The following NXPE4 variants were observed in gnomAD, a reference collection of about 807,000 sequenced individuals.
NXPE4 encodes the protein neurexophilin and PC-esterase domain family member 4.
A neutral mutation model predicts 33.3 loss-of-function variants in NXPE4; 42 were observed. That is an observed-to-expected ratio of 1.26 (90% CI 0.98 to 1.63). NXPE4 has a LOEUF of 1.63. Ranked by LOEUF, NXPE4 falls within the 40% of genes most tolerant of loss-of-function variation. The probability of loss-of-function intolerance (pLI) is 0.00; values close to 1 mark genes in which losing one functional copy is unlikely to be tolerated. For missense variants in NXPE4, 709 were observed against 647.6 expected, an observed-to-expected ratio of 1.09 and a Z score of -1.03; for synonymous variants, 253 against 234.9, an observed-to-expected ratio of 1.08 and a Z score of -0.71.
At chr11:114,676,083 A>G in the NXPE4 span, among the ~76,000 whole-genome samples, 2 of 151,924 alleles carry the variant, frequency 1.3e-5, no homozygotes, top group African/African-American at 4.8e-5. Context: ...ATCTCACAAC[A>G]TATAAAAAAA....
the NXPE4 span, among the ~76,000 whole-genome samples, chr11:114,676,128 G>A: frequency 1.3e-5 from 2 of 151,790 alleles, no homozygotes; most frequent in Non-Finnish European, 2.9e-5. Flanking sequence ...CTTAAACATA[G>A]GACCTGAAAC....
the NXPE4 span, among the ~76,000 whole-genome samples, chr11:114,632,946 ATGATATTT>A: frequency 1.0e-5 from 1 of 99,676 alleles, no homozygotes; most frequent in African/African-American, 4.2e-5. Flanking sequence ...TATATATTAT[ATGATATTT>A]TATATAATTA....
chr11:114,592,324 A>G (rs1949475304), intron 2 of NXPE4, among the ~76,000 whole-genome samples: 2 of 152,158 alleles, frequency 1.3e-5, no homozygotes, highest in African/African-American at 4.8e-5. Context: ...AACTCAGTAA[A>G]GTTGCAGGAT....
the NXPE4 span, among the ~76,000 whole-genome samples, chr11:114,624,354 T>C: frequency 6.6e-6 from 1 of 152,106 alleles, no homozygotes; most frequent in Non-Finnish European, 1.5e-5. Flanking sequence ...ATAATAATTA[T>C]TGCCCCAGGG....
the NXPE4 span, among the ~76,000 whole-genome samples, chr11:114,633,471 G>T: frequency 0.02 from 2,922 of 144,010 alleles, 58 homozygotes; most frequent in Non-Finnish European, 0.033. Flanking sequence ...TTTTATTTTA[G>T]TATTATTATA....
At chr11:114,629,150 G>A in the NXPE4 span, among the ~76,000 whole-genome samples, 1 of 152,020 alleles carries the variant, frequency 6.6e-6, no homozygotes, top group Non-Finnish European at 1.5e-5. Flanking sequence ...GAAAAAGAGG[G>A]AACCCTCCCT....
chr11:114,662,808 C>A, the NXPE4 span, among the ~76,000 whole-genome samples: 1 of 152,214 alleles, frequency 6.6e-6, no homozygotes, highest in East Asian at 1.9e-4. Context: ...CAGAAGGGAA[C>A]CTGCTGCCTC....
the NXPE4 span, among the ~76,000 whole-genome samples, chr11:114,663,662 TCTA>T: frequency 4.6e-5 from 6 of 131,284 alleles, no homozygotes; most frequent in East Asian, 2.2e-4. Flanking sequence ...CATCTATTTA[TCTA>T]TCATCTATCT....
chr11:114,579,007 T>G (rs1282523479), intron 5 of NXPE4, among the ~76,000 whole-genome samples: 1 of 152,216 alleles, frequency 6.6e-6, no homozygotes, highest in Admixed American at 6.5e-5. Context: ...TTTGCATTGC[T>G]ATAAAGGAAT....
At chr11:114,655,801 A>G in the NXPE4 span, among the ~76,000 whole-genome samples, 2 of 152,330 alleles carry the variant, frequency 1.3e-5, no homozygotes, top group East Asian at 3.9e-4. Context: ...AACACATCTC[A>G]AAATCATAAG....
the NXPE4 span, among the ~76,000 whole-genome samples, chr11:114,601,653 A>G: frequency 1.4e-5 from 1 of 69,984 alleles, no homozygotes; most frequent in Non-Finnish European, 2.4e-5. Context: ...ATAATTATAT[A>G]TTATAAATAA....
the NXPE4 span, among the ~76,000 whole-genome samples, chr11:114,668,527 A>C: frequency 6.6e-6 from 1 of 152,216 alleles, no homozygotes; most frequent in East Asian, 1.9e-4. Flanking sequence ...ACACAGAAGG[A>C]ACCTCAGCCT....
chr11:114,633,216 T>TTA, the NXPE4 span, among the ~76,000 whole-genome samples: 5 of 132,664 alleles, frequency 3.8e-5, no homozygotes, highest in African/African-American at 1.1e-4. Context: ...GTATATTACA[T>TTA]TATATATATA....
chr11:114,582,033 CAT>C (rs1949158070), intron 3 of NXPE4, among the ~76,000 whole-genome samples: 2 of 152,222 alleles, frequency 1.3e-5, no homozygotes, highest in Admixed American at 6.5e-5. Context: ...CACATACACA[CAT>C]GTGCATTTCT....
At chr11:114,656,133 C>A in the NXPE4 span, among the ~76,000 whole-genome samples, 1 of 151,980 alleles carries the variant, frequency 6.6e-6, no homozygotes, top group Non-Finnish European at 1.5e-5. Flanking sequence ...TTTTCACCAA[C>A]AAAAGGCAAG....
chr11:114,614,816 T>C, the NXPE4 span, among the ~76,000 whole-genome samples: 4 of 151,998 alleles, frequency 2.6e-5, no homozygotes, highest in Admixed American at 2.0e-4. Context: ...GCCTCGTGGG[T>C]AACCACTGTT....
the NXPE4 span, among the ~76,000 whole-genome samples, chr11:114,630,718 C>G: frequency 1.3e-5 from 2 of 151,330 alleles, no homozygotes; most frequent in African/African-American, 4.9e-5. Context: ...AAAGAAACTA[C>G]CATCAGAGTG....
At chr11:114,605,313 T>A in the NXPE4 span, among the ~76,000 whole-genome samples, 12 of 151,932 alleles carry the variant, frequency 7.9e-5, no homozygotes, top group Non-Finnish European at 1.6e-4. Context: ...GGGTAACCAC[T>A]CTTACCTGGT....
At chr11:114,611,027 T>C in the NXPE4 span, among the ~76,000 whole-genome samples, 15 of 151,726 alleles carry the variant, frequency 9.9e-5, no homozygotes. Flanking sequence ...GGGTCACAAC[T>C]CTTACTCTGT....
Sources: allele counts gnomAD v4.1 joint callset (sites outside exome capture counted in the v4.1 genomes callset), GRCh38; gene constraint gnomAD v4.1.1; transcripts MANE v1.5; gene names NCBI Gene and HGNC (gene_info 2026-07-23, HGNC 2026-07-21).